The following EFL1 variants were observed in gnomAD, a reference collection of about 807,000 sequenced individuals.
The protein encoded by EFL1 is elongation factor like GTPase 1.
A neutral mutation model predicts 126.7 loss-of-function variants in EFL1; 76 were observed. That is an observed-to-expected ratio of 0.60 (90% CI 0.50 to 0.73). The LOEUF is 0.73. Ranked by LOEUF, EFL1 falls within the 30% of genes least tolerant of loss-of-function variation. The pLI, the probability that EFL1 is intolerant of heterozygous loss-of-function variation, is 0.00. For synonymous variants in EFL1, 410 were observed against 448.4 expected, an observed-to-expected ratio of 0.91 and a Z score of 1.08; for missense variants, 1,128 against 1,343.2, an observed-to-expected ratio of 0.84 and a Z score of 2.50.
At chr15:82,240,350 C>G in intron 6 of EFL1, 68 bp downstream of exon 6, 1 of 1,474,250 alleles carries the variant, frequency 6.8e-7, no homozygotes, top group Non-Finnish European at 9.2e-7. Context: ...CGGCTCATAC[C>G]CAGCTCAGTA....
At chr15:82,130,763 C>T (rs2073632129) in intron 19 of EFL1, among the ~76,000 whole-genome samples, 1 of 152,150 alleles carries the variant, frequency 6.6e-6, no homozygotes, top group Non-Finnish European at 1.5e-5. Context: ...CTTTGGGAGC[C>T]AAGGCAGGTG....
intron 15 of EFL1, among the ~76,000 whole-genome samples, chr15:82,200,886 G>C (rs1166697544): frequency 6.6e-6 from 1 of 151,038 alleles, no homozygotes; most frequent in African/African-American, 2.5e-5. Context: ...TTATGTACTT[G>C]AGAATTTTTT....
At chr15:82,167,056 A>T (rs1421563351) in intron 15 of EFL1, among the ~76,000 whole-genome samples, 1 of 152,198 alleles carries the variant, frequency 6.6e-6, no homozygotes, top group Non-Finnish European at 1.5e-5. Context: ...GATTTTAGTC[A>T]CTATATTTAT....
chr15:82,178,274 C>T (rs1418873291), intron 15 of EFL1, among the ~76,000 whole-genome samples: 2 of 152,178 alleles, frequency 1.3e-5, no homozygotes, highest in African/African-American at 2.4e-5. Flanking sequence ...TAATAATAAC[C>T]ACCAAATCAC....
At position 82,164,636 on chromosome 15, in the gene EFL1, G is replaced by A. The variant is rs150235074; in HGVS notation, c.1751-652C>T. On this transcript the variant is annotated intron_variant, in intron 15 of 19. Transcript: ENST00000268206. ...TAAGGGGCCAGGTGCAGTGGCTCACGCCTGCAATCTCAGCACTTTGGGAGG... is the reference window on the plus strand; with the variant it reads ...TAAGGGGCCAGGTGCAGTGGCTCACACCTGCAATCTCAGCACTTTGGGAGG... Among the ~76,000 whole-genome samples the A allele has an allele frequency of 7.2e-5, 11 of 152,294 alleles. No homozygotes were observed. In the East Asian group the frequency reaches 1.4e-3, roughly 19 times the overall value.
chr15:82,248,809 T>C (rs529766040), intron 4 of EFL1, among the ~76,000 whole-genome samples: 7 of 152,050 alleles, frequency 4.6e-5, no homozygotes, highest in Non-Finnish European at 7.4e-5. Context: ...GGCAGCATTT[T>C]GATACTTGGA....
At chr15:82,176,914 C>T (rs1284458925) in intron 15 of EFL1, among the ~76,000 whole-genome samples, 3 of 152,172 alleles carry the variant, frequency 2.0e-5, no homozygotes, top group Admixed American at 1.3e-4. Context: ...CTGGTAGTCA[C>T]ACAACACAGT....
At chr15:82,148,769 AGACTAT>A in intron 18 of EFL1, among the ~76,000 whole-genome samples, 1 of 152,238 alleles carries the variant, frequency 6.6e-6, no homozygotes, top group East Asian at 1.9e-4. Context: ...GGTAGGTGCC[AGACTAT>A]AGGAAAAAGG....
intron 18 of EFL1, among the ~76,000 whole-genome samples, chr15:82,143,707 A>G (rs1355208314): frequency 6.6e-6 from 1 of 152,192 alleles, no homozygotes; most frequent in Non-Finnish European, 1.5e-5. Flanking sequence ...TAACAGGTCA[A>G]ACCCACTGTG....
chr15:82,202,954 G>A (rs2074486415), intron 15 of EFL1, among the ~76,000 whole-genome samples: 1 of 151,924 alleles, frequency 6.6e-6, no homozygotes, highest in Non-Finnish European at 1.5e-5. Context: ...TGGGGTTACA[G>A]GCATGTTCCA....
chr15:82,259,211 A>G, intron 2 of EFL1, 56 bp from the exon 3 acceptor site: 1 of 1,446,288 alleles, frequency 6.9e-7, no homozygotes, highest in Non-Finnish European at 9.7e-7. Context: ...GGGGTCATGG[A>G]TCATACCTAT....
intron 12 of EFL1, among the ~76,000 whole-genome samples, chr15:82,221,084 G>T (rs1052053550): frequency 1.3e-5 from 2 of 152,078 alleles, no homozygotes; most frequent in African/African-American, 4.8e-5. Flanking sequence ...AGCATCTTCT[G>T]CCCTATACTC....
At chr15:82,212,199 G>A (rs1358502251) in intron 15 of EFL1, among the ~76,000 whole-genome samples, 1 of 152,140 alleles carries the variant, frequency 6.6e-6, no homozygotes, top group Non-Finnish European at 1.5e-5. Context: ...GCAATAAAAT[G>A]TACTCCATGC....
At chr15:82,159,928 C>T (rs1415074904) in intron 16 of EFL1, 1 of 152,124 alleles carries the variant, frequency 6.6e-6, no homozygotes, top group African/African-American at 2.4e-5. Flanking sequence ...ACCTAGAAGC[C>T]GACCTTGGAA....
intron 16 of EFL1, among the ~76,000 whole-genome samples, chr15:82,161,032 T>C (rs1172998354): frequency 1.3e-5 from 2 of 152,180 alleles, no homozygotes; most frequent in Non-Finnish European, 1.5e-5. Context: ...AGTTGACCTG[T>C]GGGCATGAAG....
In EFL1 at chr15:82,189,032, T is replaced by A. The variant is rs115790647; in HGVS notation, c.1751-25048A>T. 8.1e-3 allele frequency among the ~76,000 whole-genome samples: 1,227 copies of A among 152,040 alleles called. 15 individuals carry two copies. The highest frequency in any genetic ancestry group is 0.028 in the African/African-American group (1,151 of 41,458). ...AACCTTAAGCAATTTAATCACTCTG[T>A]GAACACAGAGTATACTTACACACAA... On this transcript the variant is annotated intron_variant, in intron 15 of 19. Coordinates refer to ENST00000268206, the MANE Select transcript of EFL1 (RefSeq NM_024580.6).
intron 15 of EFL1, among the ~76,000 whole-genome samples, chr15:82,203,112 G>C (rs1299390114): frequency 6.6e-6 from 1 of 151,868 alleles, no homozygotes; most frequent in Non-Finnish European, 1.5e-5. Context: ...CGCCCAGACT[G>C]TTCCCTAACT....
At chr15:82,195,679 C>T (rs964486824) in intron 15 of EFL1, among the ~76,000 whole-genome samples, 11 of 152,276 alleles carry the variant, frequency 7.2e-5, no homozygotes, top group African/African-American at 2.6e-4. Context: ...TCCACAGACT[C>T]CATTTTCCTC....
At chr15:82,222,839 C>T (rs1595992730) in intron 12 of EFL1, among the ~76,000 whole-genome samples, 1 of 152,060 alleles carries the variant, frequency 6.6e-6, no homozygotes, top group East Asian at 1.9e-4. Flanking sequence ...CTTGAAGGGG[C>T]AATAGTTACT....
Sources: gnomAD v4.1 joint callset for allele counts (sites outside exome capture counted in the v4.1 genomes callset) on GRCh38, gnomAD v4.1.1 for gene constraint, MANE v1.5 for transcripts, NCBI Gene and HGNC (gene_info 2026-07-23, HGNC 2026-07-21) for gene names.